Variants in GRID2 observed in about 807,000 individuals in gnomAD.
GRID2 encodes the protein glutamate receptor ionotropic, delta-2.
Under a neutral mutation model 114.8 loss-of-function variants are expected in GRID2, and 33 were observed. That is an observed-to-expected ratio of 0.29 (90% CI 0.22 to 0.38). The LOEUF (loss-of-function observed/expected upper bound fraction) is 0.38, where lower values mean the gene tolerates loss of function less well. Ranked by LOEUF, GRID2 falls within the 10% of genes least tolerant of loss-of-function variation. GRID2 has a pLI of 1.00. For missense variants in GRID2, 1,184 were observed against 1,257.7 expected (o/e 0.94, Z 0.89); for synonymous variants, 505 against 449.9 (o/e 1.12, Z -1.55).
Position 92,338,998 on chromosome 4 carries a change from A to G in GRID2, c.88+34254A>G, listed in dbSNP as rs1727334944. On this transcript the variant is annotated intron_variant, in intron 1 of 15. Coordinates refer to ENST00000282020, the MANE Select transcript of GRID2 (RefSeq NM_001510.4). Reference sequence around the variant, plus strand: ...GAAAGGTACAATATAAATCCAAAATATTAATCTTTAGGTGTGAAATACTCT... The same window carrying G: ...GAAAGGTACAATATAAATCCAAAATGTTAATCTTTAGGTGTGAAATACTCT... 2.6e-5 allele frequency among the ~76,000 whole-genome samples: 4 copies of G among 152,194 alleles called. No homozygotes were observed. The East Asian group carries it at 7.7e-4, about 29-fold the overall frequency.
At chr4:93,207,478 T>A (rs376423286) in intron 5 of GRID2, 21 bp downstream of exon 5, 2 of 1,470,742 alleles carry the variant, frequency 1.4e-6, no homozygotes, top group Non-Finnish European at 1.9e-6. Flanking sequence ...CTAAACCTTA[T>A]TGTTAACTCT....
intron 1 of GRID2, among the ~76,000 whole-genome samples, chr4:92,370,378 A>C (rs1729063362): frequency 6.6e-6 from 1 of 152,088 alleles, no homozygotes; most frequent in Non-Finnish European, 1.5e-5. Flanking sequence ...TTGGCCGGGC[A>C]CAGTGGCTCA....
chr4:93,411,047 G>A (rs542789996), intron 9 of GRID2, among the ~76,000 whole-genome samples: 22 of 152,086 alleles, frequency 1.4e-4, no homozygotes, highest in African/African-American at 5.1e-4. Flanking sequence ...CATTATCCAC[G>A]AGTACTATTG....
At chr4:92,723,566 T>C (rs1465372123) in intron 2 of GRID2, among the ~76,000 whole-genome samples, 10 of 152,204 alleles carry the variant, frequency 6.6e-5, no homozygotes. Context: ...TTTCCTGTCT[T>C]TAATATCTAA....
intron 14 of GRID2, among the ~76,000 whole-genome samples, chr4:93,688,378 A>G (rs1015742021): frequency 6.6e-6 from 1 of 151,904 alleles, no homozygotes; most frequent in Non-Finnish European, 1.5e-5. Flanking sequence ...ATTAATTAAC[A>G]ATGCTATATT....
chr4:93,276,832 T>C (rs1280030184), intron 8 of GRID2, among the ~76,000 whole-genome samples: 1 of 151,944 alleles, frequency 6.6e-6, no homozygotes, highest in African/African-American at 2.4e-5. Flanking sequence ...TTAAATCAAA[T>C]ATGGAGTGGC....
intron 8 of GRID2, among the ~76,000 whole-genome samples, chr4:93,307,760 AACCCAAACC>A (rs1755585713): frequency 6.6e-6 from 1 of 152,214 alleles, no homozygotes; most frequent in Admixed American, 6.5e-5. Context: ...ACTTATTATT[AACCCAAACC>A]ATTTTCTCTA....
intron 1 of GRID2, among the ~76,000 whole-genome samples, chr4:92,352,099 T>TGGA (rs1728095118): frequency 6.6e-6 from 1 of 151,918 alleles, no homozygotes; most frequent in Admixed American, 6.6e-5. Context: ...ACACTGGGTG[T>TGGA]ACTAATTCCC....
intron 7 of GRID2, among the ~76,000 whole-genome samples, chr4:93,229,125 C>G (rs889061166): frequency 6.6e-6 from 1 of 152,008 alleles, no homozygotes; most frequent in African/African-American, 2.4e-5. Context: ...ATATTTTTGT[C>G]TCACATTTCA....
intron 13 of GRID2, among the ~76,000 whole-genome samples, chr4:93,588,295 A>C (rs1160084942): frequency 6.6e-6 from 1 of 152,132 alleles, no homozygotes; most frequent in Non-Finnish European, 1.5e-5. Context: ...TAAAACAATC[A>C]AAATTTTTTT....
At chr4:93,420,813 G>T (rs556519941) in intron 9 of GRID2, among the ~76,000 whole-genome samples, 1 of 151,446 alleles carries the variant, frequency 6.6e-6, no homozygotes. Flanking sequence ...GAGTGCAATG[G>T]TGTGATCTTG....
chr4:93,160,642 C>A (rs537550108), intron 4 of GRID2, among the ~76,000 whole-genome samples: 1 of 151,868 alleles, frequency 6.6e-6, no homozygotes, highest in South Asian at 2.1e-4. Context: ...GATCCCATTC[C>A]GCTGTCTACA....
chr4:93,714,222 G>T (rs1440961798), intron 14 of GRID2, among the ~76,000 whole-genome samples: 1 of 152,004 alleles, frequency 6.6e-6, no homozygotes, highest in African/African-American at 2.4e-5. Flanking sequence ...AGTTTGCTGA[G>T]GATAATGTCC....
At chr4:92,709,442 C>T (rs916273474) in intron 2 of GRID2, among the ~76,000 whole-genome samples, 3 of 151,448 alleles carry the variant, frequency 2.0e-5, no homozygotes, top group Admixed American at 6.6e-5. Context: ...ATACGCTATT[C>T]GCAGTTTGTT....
chr4:92,403,527 C>T (rs1192455991), intron 1 of GRID2, among the ~76,000 whole-genome samples: 2 of 151,738 alleles, frequency 1.3e-5, no homozygotes, highest in African/African-American at 4.8e-5. Context: ...GGAACCCCAT[C>T]TCTACTAAAA....
intron 2 of GRID2, among the ~76,000 whole-genome samples, chr4:92,931,684 TAA>T (rs551124629): frequency 7.2e-6 from 1 of 139,536 alleles, no homozygotes; most frequent in Non-Finnish European, 1.6e-5. Flanking sequence ...ATAACCTGGA[TAA>T]AAAAAAAAAA....
chr4:92,453,283 T>A (rs1721039748), intron 1 of GRID2, among the ~76,000 whole-genome samples: 1 of 152,066 alleles, frequency 6.6e-6, no homozygotes, highest in Non-Finnish European at 1.5e-5. Flanking sequence ...AAGCATAGTT[T>A]TTAAAATATT....
At chr4:92,997,440 C>G (rs950118800) in intron 2 of GRID2, among the ~76,000 whole-genome samples, 6 of 152,152 alleles carry the variant, frequency 3.9e-5, no homozygotes, top group Admixed American at 3.9e-4. Flanking sequence ...CCTAGTGCAG[C>G]AGTCCTTGGA....
chr4:92,558,310 T>C (rs563385789), intron 1 of GRID2, among the ~76,000 whole-genome samples: 8 of 152,260 alleles, frequency 5.3e-5, no homozygotes, highest in African/African-American at 1.9e-4. Flanking sequence ...AAAAGGCTAT[T>C]TTTTGAAAAT....
Sources: gnomAD v4.1 joint callset for allele counts (sites outside exome capture counted in the v4.1 genomes callset) on GRCh38, gnomAD v4.1.1 for gene constraint, MANE v1.5 for transcripts, NCBI Gene and HGNC (gene_info 2026-07-23, HGNC 2026-07-21) for gene names.